Variants in ACSL4 observed in about 807,000 individuals in gnomAD.
ACSL4 encodes the protein acyl-CoA synthetase long chain family member 4.
A neutral mutation model predicts 49.1 loss-of-function variants in ACSL4; 9 were observed. The ratio of observed to expected loss-of-function variants is 0.18; its 90% CI spans 0.11 to 0.32. The LOEUF is 0.32. Ranked by LOEUF, ACSL4 falls within the 10% of genes least tolerant of loss-of-function variation. The pLI, the probability that ACSL4 is intolerant of heterozygous loss-of-function variation, is 1.00. For missense variants in ACSL4, 333 were observed against 493.7 expected (o/e 0.67, Z 3.08); for synonymous variants, 191 against 170.3 (o/e 1.12, Z -0.95).
chrX:109,721,825 T>C (rs1927588069), intron 1 of ACSL4, among the ~76,000 whole-genome samples: 1 of 111,715 alleles, frequency 9.0e-6, no homozygotes, highest in African/African-American at 3.3e-5. Context: ...ACCACAAGAA[T>C]CCACCATTAA....
intron 2 of ACSL4, among the ~76,000 whole-genome samples, chrX:109,692,749 A>G (rs1484836291): frequency 8.9e-6 from 1 of 112,019 alleles, no homozygotes; most frequent in Non-Finnish European, 1.9e-5. Flanking sequence ...AAAGTCTTCG[A>G]TTTACTGGGT....
At chrX:109,714,887 C>T (rs1357461006) in intron 1 of ACSL4, among the ~76,000 whole-genome samples, 2 of 111,884 alleles carry the variant, frequency 1.8e-5, no homozygotes, top group Non-Finnish European at 3.8e-5. Context: ...GACTATGTAA[C>T]TACATGTATT....
At chrX:109,696,509 A>C (rs1925455381) in intron 1 of ACSL4, among the ~76,000 whole-genome samples, 1 of 112,217 alleles carries the variant, frequency 8.9e-6, no homozygotes, top group South Asian at 3.7e-4. Flanking sequence ...AGCCATGTTC[A>C]GACACAGAGA....
At chrX:109,677,566 G>A (rs946686554) in intron 8 of ACSL4, among the ~76,000 whole-genome samples, 4 of 110,381 alleles carry the variant, frequency 3.6e-5, no homozygotes, top group Non-Finnish European at 7.6e-5. Flanking sequence ...ATCACTGGAG[G>A]TCAGGAGTTC....
At chrX:109,645,837 G>A (rs906831032) in intron 15 of ACSL4, among the ~76,000 whole-genome samples, 8 of 112,359 alleles carry the variant, frequency 7.1e-5, no homozygotes, top group African/African-American at 2.3e-4. Flanking sequence ...AGAAGCTGAC[G>A]GAGCTGAAAG....
chrX:109,684,092 T>C (rs1924396678), intron 2 of ACSL4, among the ~76,000 whole-genome samples: 1 of 110,585 alleles, frequency 9.0e-6, no homozygotes, highest in African/African-American at 3.3e-5. Context: ...TAAATAGTGT[T>C]AGGTTTATAT....
chrX:109,669,773 G>C (rs1050592536), intron 9 of ACSL4, among the ~76,000 whole-genome samples: 3 of 112,421 alleles, frequency 2.7e-5, no homozygotes, highest in Non-Finnish European at 5.6e-5. Context: ...ATTAATCTCT[G>C]TTACAATATA....
At chrX:109,692,170 A>C (rs1260458719) in intron 2 of ACSL4, 1 of 111,557 alleles carries the variant, frequency 9.0e-6, no homozygotes, top group Non-Finnish European at 1.9e-5. Flanking sequence ...ATCATGCCTT[A>C]AGAAGATCCC....
intron 1 of ACSL4, chrX:109,732,923 TAC>T: frequency 3.3e-6 from 1 of 300,064 alleles, no homozygotes; most frequent in Non-Finnish European, 6.5e-6. Flanking sequence ...CAGGAGCAGA[TAC>T]AGTGACCTCG....
At chrX:109,713,439 TCA>T (rs909168940) in intron 1 of ACSL4, among the ~76,000 whole-genome samples, 3 of 111,931 alleles carry the variant, frequency 2.7e-5, no homozygotes, top group African/African-American at 9.7e-5. Context: ...CAGAAACAGC[TCA>T]CTATTCTAAA....
intron 15 of ACSL4, among the ~76,000 whole-genome samples, chrX:109,644,756 C>G (rs1316561936): frequency 8.9e-6 from 1 of 112,891 alleles, no homozygotes; most frequent in African/African-American, 3.2e-5. Context: ...TTCTGCATTT[C>G]CATCTGAGGT....
chrX:109,661,605 A>G lies in ACSL4; in HGVS notation c.1623T>C (p.Tyr541=), dbSNP rs1232410728. 2 of 1,205,791 alleles carry G rather than the reference A, an allele frequency of 1.7e-6. No individual in the cohort carries two copies. The highest frequency in any genetic ancestry group is 1.1e-6 in the Non-Finnish European group (1 of 890,565). ...KDLVKLQAGE[Y]VSLGKVEAAL... ...CAGCTTCTACTTTCCCAAGAGATAC[A>G]TACTCTCCTGCTTGTAACTTCACTA... Residue 541 remains tyrosine (Y), a synonymous_variant, in exon 14 of 16, where the codon TAT becomes TAC. Transcript: ENST00000672401.
chrX:109,645,919 T>C (rs982044209), intron 15 of ACSL4, among the ~76,000 whole-genome samples: 2 of 111,794 alleles, frequency 1.8e-5, no homozygotes, highest in South Asian at 3.7e-4. Context: ...TGAAAGGCTA[T>C]CAATGATGGA....
At position 109,648,760 on chromosome X, in the gene ACSL4, G is replaced by C. The variant is rs769839750; in HGVS notation, c.1856-4574C>G. On this transcript the variant is annotated intron_variant, in intron 15 of 15. Transcript: ENST00000672401. ...GTCCCTGTTTGCAGACGACATGATTGTATATCTAGAAAACCCCATTGTCTC... is the reference window on the plus strand; with the variant it reads ...GTCCCTGTTTGCAGACGACATGATTCTATATCTAGAAAACCCCATTGTCTC... 3.7e-3 allele frequency among the ~76,000 whole-genome samples: 377 copies of C among 102,879 alleles called. 1 individual carries two copies. Among genetic ancestry groups the C allele is most frequent in the African/African-American group, 8.8e-3 (249 of 28,333 alleles). 89.3% of individuals were successfully genotyped at this position (102,879 alleles called of 115,157 possible).
Position 109,671,273 on chromosome X carries a change from C to T in ACSL4, c.1003-2100G>A, listed in dbSNP as rs377739570. On this transcript the variant is annotated intron_variant, in intron 9 of 15. Coordinates refer to ENST00000672401, the MANE Select transcript of ACSL4 (RefSeq NM_001318510.2). ...GATGTGAAGAGCGCCTCTGCCCAGC[C>T]GCGACCCCGTCTGGGAACTGAGGAG... 2.8e-4 allele frequency among the ~76,000 whole-genome samples: 31 copies of T among 110,752 alleles called. No homozygotes were observed. The East Asian group carries it at 7.8e-3, about 28-fold the overall frequency.
At chrX:109,680,083 A>G (rs1924045416) in intron 6 of ACSL4, among the ~76,000 whole-genome samples, 1 of 112,087 alleles carries the variant, frequency 8.9e-6, no homozygotes, top group Non-Finnish European at 1.9e-5. Context: ...ATAATAAGAT[A>G]TTCAGGCTCT....
chrX:109,728,765 A>G (rs781123161), intron 1 of ACSL4, among the ~76,000 whole-genome samples: 20 of 112,439 alleles, frequency 1.8e-4, no homozygotes, highest in Non-Finnish European at 3.2e-4. Flanking sequence ...CTTGACACCA[A>G]AAGCACAGTC....
chrX:109,683,684 G>A, intron 2 of ACSL4: 1 of 385,410 alleles, frequency 2.6e-6, no homozygotes, highest in Non-Finnish European at 4.5e-6. Context: ...TGATGACAAT[G>A]AACCAAGCAG....
intron 1 of ACSL4, among the ~76,000 whole-genome samples, chrX:109,700,207 CA>C (rs748667601): frequency 4.8e-3 from 78 of 16,288 alleles, no homozygotes; most frequent in African/African-American, 0.011. Context: ...GACTCCGTCT[CA>C]AAAAAAAAAA....
Sources: allele counts gnomAD v4.1 joint callset (sites outside exome capture counted in the v4.1 genomes callset), GRCh38; gene constraint gnomAD v4.1.1; transcripts MANE v1.5; gene names NCBI Gene and HGNC (gene_info 2026-07-23, HGNC 2026-07-21).